The following C9 variants were observed in gnomAD, a reference collection of about 807,000 sequenced individuals.
C9 encodes the protein complement C9.
A neutral mutation model predicts 65.4 loss-of-function variants in C9; 63 were observed. The observed-to-expected ratio is 0.96, with a 90% CI of 0.79 to 1.19. The LOEUF is 1.19. C9 is among the 50% of genes most tolerant of loss of function. The pLI, the probability that C9 is intolerant of heterozygous loss-of-function variation, is 0.00. For synonymous variants in C9, 229 were observed against 227.9 expected (o/e 1.00, Z -0.04); for missense variants, 744 against 670.1 (o/e 1.11, Z -1.22).
At chr5:39,287,974 T>C (rs1040785231) in intron 10 of C9, among the ~76,000 whole-genome samples, 4 of 151,948 alleles carry the variant, frequency 2.6e-5, no homozygotes, top group Non-Finnish European at 4.4e-5. Context: ...TTTAAATTCA[T>C]AATAAAAATA....
At chr5:39,319,898 G>T (rs1171421143) in intron 5 of C9, among the ~76,000 whole-genome samples, 2 of 152,116 alleles carry the variant, frequency 1.3e-5, no homozygotes, top group Non-Finnish European at 2.9e-5. Context: ...CCAAGCTCCA[G>T]GCCTTCCCCA....
chr5:39,328,444 A>AT (rs1753788772), intron 5 of C9, among the ~76,000 whole-genome samples: 2 of 152,186 alleles, frequency 1.3e-5, no homozygotes, highest in Non-Finnish European at 2.9e-5. Flanking sequence ...TGAAATTATA[A>AT]TGCTAGCTGT....
intron 1 of C9, among the ~76,000 whole-genome samples, chr5:39,346,030 G>C (rs1281648876): frequency 6.6e-6 from 1 of 152,246 alleles, no homozygotes; most frequent in Non-Finnish European, 1.5e-5. Flanking sequence ...AGTGTGTAGA[G>C]GGAAATTTAT....
chr5:39,340,063 T>A (rs1754046804), intron 4 of C9, among the ~76,000 whole-genome samples: 1 of 152,072 alleles, frequency 6.6e-6, no homozygotes, highest in Non-Finnish European at 1.5e-5. Context: ...CCTCTCCTCA[T>A]CTCCATACCC....
intron 7 of C9, among the ~76,000 whole-genome samples, chr5:39,309,043 A>C (rs112777257): frequency 6.6e-6 from 1 of 152,114 alleles, no homozygotes; most frequent in African/African-American, 2.4e-5. Context: ...TATGAATGCT[A>C]CTTGGTAGAT....
intron 4 of C9, among the ~76,000 whole-genome samples, chr5:39,340,190 A>G (rs1335980637): frequency 1.3e-5 from 2 of 151,966 alleles, no homozygotes; most frequent in Non-Finnish European, 2.9e-5. Flanking sequence ...GTATCCACCT[A>G]CCAAGTATTT....
At chr5:39,353,689 G>A (rs1754364366) in intron 1 of C9, among the ~76,000 whole-genome samples, 1 of 151,758 alleles carries the variant, frequency 6.6e-6, no homozygotes, top group African/African-American at 2.4e-5. Context: ...TCCTATTATT[G>A]GCTAAGCATG....
At chr5:39,293,977 A>G (rs980938548) in intron 9 of C9, among the ~76,000 whole-genome samples, 1 of 152,030 alleles carries the variant, frequency 6.6e-6, no homozygotes, top group African/African-American at 2.4e-5. Context: ...TTAAGAGATT[A>G]AGAAGGAAAT....
chr5:39,363,251 AG>A (rs1441695290), intron 1 of C9, among the ~76,000 whole-genome samples: 1 of 152,168 alleles, frequency 6.6e-6, no homozygotes, highest in Non-Finnish European at 1.5e-5. Context: ...TGGAAAGAGG[AG>A]GGATGAAGGA....
chr5:39,351,761 G>A (rs1442671799), intron 1 of C9, among the ~76,000 whole-genome samples: 1 of 151,996 alleles, frequency 6.6e-6, no homozygotes, highest in Non-Finnish European at 1.5e-5. Flanking sequence ...CAGCATTTTG[G>A]CCCAAATCAC....
chr5:39,302,742 T>C (rs1310051824), intron 9 of C9, among the ~76,000 whole-genome samples: 1 of 152,072 alleles, frequency 6.6e-6, no homozygotes, highest in South Asian at 2.1e-4. Flanking sequence ...AAAAATGAAC[T>C]ACATTCATGC....
intron 1 of C9, among the ~76,000 whole-genome samples, chr5:39,355,307 T>G (rs1011594868): frequency 6.6e-6 from 1 of 152,320 alleles, no homozygotes; most frequent in South Asian, 2.1e-4. Context: ...GCTATTCATC[T>G]TTCCCACACG....
intron 4 of C9, among the ~76,000 whole-genome samples, chr5:39,334,533 C>T (rs2111937893): frequency 7.5e-6 from 1 of 132,510 alleles, no homozygotes; most frequent in East Asian, 2.0e-4. Flanking sequence ...GGGTCAGCCC[C>T]CGCCAGGCCA....
intron 5 of C9, among the ~76,000 whole-genome samples, chr5:39,324,204 TG>T (rs1248785673): frequency 2.0e-5 from 3 of 152,186 alleles, no homozygotes; most frequent in Non-Finnish European, 4.4e-5. Context: ...ATTCATGGAT[TG>T]GAAGAATTAA....
At chr5:39,294,758 A>G (rs143681783) in intron 9 of C9, among the ~76,000 whole-genome samples, 2 of 151,982 alleles carry the variant, frequency 1.3e-5, no homozygotes, top group East Asian at 3.9e-4. Context: ...CAAGGACACA[A>G]CACACAAAAA....
chr5:39,311,174 T>G lies in C9; in HGVS notation c.1074A>C (p.Leu358=). The stretch of plus-strand genomic sequence containing the variant: ...TGGAAGCTTTATCCAAAACATATAT[T>G]AGTTCATAGAGTCCTCCTAGAGACC... ...SSGSLGGLYE[L]IYVLDKASMK... Residue 358 remains leucine, a synonymous_variant, in exon 7 of 11, where the codon CTA becomes CTC. Transcript: ENST00000263408. 2 of 1,613,218 alleles carry G rather than the reference T, an allele frequency of 1.2e-6. No homozygotes were observed. Among genetic ancestry groups the G allele is most frequent in the Non-Finnish European group, 1.7e-6 (2 of 1,179,244 alleles).
chr5:39,333,737 G>T (rs541945729), intron 4 of C9, among the ~76,000 whole-genome samples: 2 of 152,128 alleles, frequency 1.3e-5, no homozygotes, highest in Admixed American at 6.5e-5. Context: ...TCAGCCTGCC[G>T]AGTGCCTGCG....
chr5:39,298,425 T>C (rs527792955), intron 9 of C9, among the ~76,000 whole-genome samples: 4 of 151,290 alleles, frequency 2.6e-5, no homozygotes, highest in Non-Finnish European at 4.4e-5. Flanking sequence ...TCAAACAAGA[T>C]AAGACAAAAG....
chr5:39,285,511 G>C (rs963474531), intron 10 of C9, among the ~76,000 whole-genome samples: 1 of 152,084 alleles, frequency 6.6e-6, no homozygotes, highest in Non-Finnish European at 1.5e-5. Flanking sequence ...GGAGAAATTG[G>C]AGAAGGTTTC....
Sources: gnomAD v4.1 joint callset for allele counts (sites outside exome capture counted in the v4.1 genomes callset) on GRCh38, gnomAD v4.1.1 for gene constraint, MANE v1.5 for transcripts, NCBI Gene and HGNC (gene_info 2026-07-23, HGNC 2026-07-21) for gene names.